Variants in IL1RAPL2 observed in about 807,000 individuals in gnomAD.
The protein encoded by IL1RAPL2 is X-linked interleukin-1 receptor accessory protein-like 2.
In IL1RAPL2, 3 loss-of-function variants were observed where a neutral mutation model predicts 44.1. That is an observed-to-expected ratio of 0.07 (90% confidence interval 0.03 to 0.18). The LOEUF is 0.18. IL1RAPL2 is among the 10% of genes least tolerant of loss of function. The pLI, the probability that IL1RAPL2 is intolerant of heterozygous loss-of-function variation, is 1.00. For synonymous variants in IL1RAPL2, 181 were observed against 178.8 expected (o/e 1.01, Z -0.10); for missense variants, 391 against 496.4 (o/e 0.79, Z 2.02).
At chrX:105,477,751 T>C (rs892751760) in intron 5 of IL1RAPL2, among the ~76,000 whole-genome samples, 4 of 111,450 alleles carry the variant, frequency 3.6e-5, no homozygotes, top group Non-Finnish European at 7.5e-5. Flanking sequence ...CTCAGAACAA[T>C]AGGCAGTCTG....
At position 105,637,376 on chromosome X, in the gene IL1RAPL2, G is replaced by A. The variant is rs1035315466; in HGVS notation, c.773-79991G>A. 2.2e-4 allele frequency among the ~76,000 whole-genome samples: 25 copies of A among 112,021 alleles called. No individual in the cohort carries two copies. The East Asian group carries it at 6.8e-3, about 30-fold the overall frequency. ...TCTCCTTCTTTGAAACTGGAAGACT[G>A]ATTGTAGGTCAGTTTCTATTTTATC... On this transcript the variant is annotated intron_variant, in intron 6 of 10. Transcript: ENST00000372582.
chrX:104,885,201 C>T (rs1329671832), intron 2 of IL1RAPL2, among the ~76,000 whole-genome samples: 1 of 111,599 alleles, frequency 9.0e-6, no homozygotes, highest in Non-Finnish European at 1.9e-5. Context: ...TACCTGGTAT[C>T]TTAGTCAAGT....
intron 5 of IL1RAPL2, among the ~76,000 whole-genome samples, chrX:105,475,087 T>C (rs1340331332): frequency 1.8e-5 from 2 of 111,835 alleles, no homozygotes; most frequent in African/African-American, 6.5e-5. Context: ...TACATTGTCA[T>C]GAGGATTTAA....
At chrX:104,875,618 CTT>C (rs1053857617) in intron 2 of IL1RAPL2, among the ~76,000 whole-genome samples, 2 of 111,372 alleles carry the variant, frequency 1.8e-5, no homozygotes, top group Admixed American at 1.9e-4. Context: ...GTCTGGAACT[CTT>C]TTCCCCCCAC....
intron 2 of IL1RAPL2, among the ~76,000 whole-genome samples, chrX:105,194,697 A>G (rs1390174192): frequency 1.8e-5 from 2 of 112,140 alleles, no homozygotes; most frequent in Non-Finnish European, 3.8e-5. Flanking sequence ...TATGCTATTA[A>G]TAGGTCATAC....
At chrX:105,407,790 A>G (rs766337918) in intron 5 of IL1RAPL2, among the ~76,000 whole-genome samples, 1 of 111,895 alleles carries the variant, frequency 8.9e-6, no homozygotes, top group African/African-American at 3.2e-5. Context: ...TCACTACAAC[A>G]CTTATAAATG....
At chrX:104,768,168 C>T (rs978940412) in intron 2 of IL1RAPL2, among the ~76,000 whole-genome samples, 4 of 111,149 alleles carry the variant, frequency 3.6e-5, no homozygotes, top group African/African-American at 1.3e-4. Context: ...ACTTAAAATC[C>T]ACTCAGTGAT....
chrX:104,855,681 GTT>G (rs1556002120), intron 2 of IL1RAPL2, among the ~76,000 whole-genome samples: 6 of 53,834 alleles, frequency 1.1e-4, no homozygotes, highest in Admixed American at 1.9e-4. Context: ...ATCTGGATCC[GTT>G]TTTTTTTTTT....
intron 2 of IL1RAPL2, among the ~76,000 whole-genome samples, chrX:104,677,321 G>T (rs1326247566): frequency 3.6e-5 from 4 of 109,671 alleles, no homozygotes; most frequent in Non-Finnish European, 7.6e-5. Context: ...TAACAGACCG[G>T]ACCCTCAGCT....
intron 1 of IL1RAPL2, among the ~76,000 whole-genome samples, chrX:104,572,078 G>A (rs191864127): frequency 7.1e-4 from 79 of 111,857 alleles, no homozygotes; most frequent in Admixed American, 3.1e-3. Flanking sequence ...TTTATGTTGT[G>A]CTTGCTTTAT....
chrX:105,299,183 T>C (rs2034676766), intron 5 of IL1RAPL2, among the ~76,000 whole-genome samples: 1 of 112,029 alleles, frequency 8.9e-6, no homozygotes. Context: ...TTAATTGACA[T>C]AGAAAAAATT....
intron 5 of IL1RAPL2, chrX:105,405,689 G>A (rs2035638616): frequency 1.1e-5 from 11 of 1,017,070 alleles, no homozygotes; most frequent in South Asian, 1.9e-5. Context: ...CCCTAAGAAC[G>A]GAAAGAGTAA....
At chrX:105,658,895 G>A (rs1484563342) in intron 6 of IL1RAPL2, among the ~76,000 whole-genome samples, 1 of 105,939 alleles carries the variant, frequency 9.4e-6, no homozygotes, top group Admixed American at 1.0e-4. Context: ...TTGGCAGGCG[G>A]AGGTTGCAGT....
At chrX:105,760,583 C>T (rs1055962721) in intron 10 of IL1RAPL2, among the ~76,000 whole-genome samples, 4 of 111,958 alleles carry the variant, frequency 3.6e-5, no homozygotes, top group Non-Finnish European at 7.5e-5. Context: ...TTCTTCACAC[C>T]GTCATGCTTC....
intron 2 of IL1RAPL2, among the ~76,000 whole-genome samples, chrX:104,802,473 A>G (rs1030360479): frequency 2.2e-4 from 24 of 111,223 alleles, no homozygotes; most frequent in Middle Eastern, 4.6e-3. Context: ...TGTAGTTAAT[A>G]CTTCTATGAA....
At chrX:104,590,159 C>T (rs1928636564) in intron 1 of IL1RAPL2, among the ~76,000 whole-genome samples, 1 of 111,209 alleles carries the variant, frequency 9.0e-6, no homozygotes, top group Non-Finnish European at 1.9e-5. Flanking sequence ...ATTCTCCTGT[C>T]CTGGCCTCCC....
chrX:105,298,316 T>C (rs1029886081), intron 5 of IL1RAPL2, among the ~76,000 whole-genome samples: 1 of 111,210 alleles, frequency 9.0e-6, no homozygotes, highest in Non-Finnish European at 1.9e-5. Flanking sequence ...ACAGTGAAGA[T>C]GGAGTGAAGT....
intron 9 of IL1RAPL2, among the ~76,000 whole-genome samples, chrX:105,749,755 CTT>C (rs2038580739): frequency 8.9e-6 from 1 of 111,805 alleles, no homozygotes; most frequent in Admixed American, 9.5e-5. Flanking sequence ...GTGTACTGAG[CTT>C]TGTTTCTTTG....
chrX:105,579,837 A>AATTG (rs199567779), intron 6 of IL1RAPL2, among the ~76,000 whole-genome samples: 2,064 of 111,637 alleles, frequency 0.018, 40 homozygotes, highest in African/African-American at 0.064. Flanking sequence ...AAAATGCTTC[A>AATTG]AAACAAAATG....
Sources: gnomAD v4.1 joint callset for allele counts (sites outside exome capture counted in the v4.1 genomes callset) on GRCh38, gnomAD v4.1.1 for gene constraint, MANE v1.5 for transcripts, NCBI Gene and HGNC (gene_info 2026-07-23, HGNC 2026-07-21) for gene names.